C1QTNF7: variants seen among roughly 807,000 people sequenced by gnomAD.
C1QTNF7 encodes C1q and TNF related 7.
A neutral mutation model predicts 19.6 loss-of-function variants in C1QTNF7; 15 were observed. The observed-to-expected ratio is 0.76, with a 90% CI of 0.51 to 1.18. The LOEUF is 1.18. Ranked by LOEUF, C1QTNF7 falls within the 50% of genes most tolerant of loss-of-function variation. The probability of loss-of-function intolerance (pLI) is 0.00; values close to 1 mark genes in which losing one functional copy is unlikely to be tolerated. For synonymous variants in C1QTNF7, 142 were observed against 137.5 expected, an observed-to-expected ratio of 1.03 and a Z score of -0.23; for missense variants, 324 against 359.7, an observed-to-expected ratio of 0.90 and a Z score of 0.80.
chr4:15,429,541 T>G (rs539646157), intron 1 of C1QTNF7, among the ~76,000 whole-genome samples: 1 of 152,332 alleles, frequency 6.6e-6, no homozygotes, highest in African/African-American at 2.4e-5. Context: ...TCAGGGTTCC[T>G]CATGTTGTAG....
At chr4:15,426,279 A>G (rs1194081217), upstream of C1QTNF7, among the ~76,000 whole-genome samples, 1 of 152,148 alleles carries the variant, frequency 6.6e-6, no homozygotes, top group Non-Finnish European at 1.5e-5. Context: ...CCTTAAGCAT[A>G]TTTTTCTACC....
intron 2 of C1QTNF7, among the ~76,000 whole-genome samples, chr4:15,438,136 A>G (rs942494275): frequency 2.0e-5 from 3 of 152,220 alleles, no homozygotes; most frequent in African/African-American, 4.8e-5. Flanking sequence ...AGCAATAATT[A>G]TAATCAGCAA....
chr4:15,422,624 A>G (rs1322670327), intron 1 of C1QTNF7, among the ~76,000 whole-genome samples: 1 of 149,686 alleles, frequency 6.7e-6, no homozygotes, highest in Non-Finnish European at 1.5e-5. Context: ...TTTTTTTTTT[A>G]GAAAGGGTCT....
At chr4:15,381,418 T>C (rs1718138116) in intron 1 of C1QTNF7, among the ~76,000 whole-genome samples, 1 of 97,080 alleles carries the variant, frequency 1.0e-5, no homozygotes, top group Non-Finnish European at 1.9e-5. Flanking sequence ...TGAGACTCCA[T>C]CTCAAAAAAA....
intron 1 of C1QTNF7, among the ~76,000 whole-genome samples, chr4:15,382,414 A>G (rs1718181011): frequency 6.6e-6 from 1 of 152,224 alleles, no homozygotes; most frequent in Non-Finnish European, 1.5e-5. Context: ...GCAAAAAAAA[A>G]AAAATTCTAG....
chr4:15,412,310 A>G (rs1719430427), intron 1 of C1QTNF7, among the ~76,000 whole-genome samples: 1 of 151,892 alleles, frequency 6.6e-6, no homozygotes. Flanking sequence ...ATCATCCTAA[A>G]CCATCTCCCA....
At chr4:15,414,168 A>G (rs1376157766) in intron 1 of C1QTNF7, among the ~76,000 whole-genome samples, 1 of 152,172 alleles carries the variant, frequency 6.6e-6, no homozygotes, top group African/African-American at 2.4e-5. Context: ...AAACTTAATG[A>G]TTGGAAGCTA....
At position 15,444,019 on chromosome 4, in the gene C1QTNF7, G is replaced by C. The variant is rs990978108; in HGVS notation, c.*1220G>C. 2 of 152,162 alleles carry C rather than the reference G, an allele frequency of 1.3e-5. No individual in the cohort carries two copies. Among genetic ancestry groups the C allele is most frequent in the African/African-American group, 4.8e-5 (2 of 41,410 alleles). The allele number at this position is 152,162 out of a possible 1,614,324, so 9.4% of individuals were successfully genotyped here. A position where few individuals can be genotyped will look rare whatever the true frequency, so the allele number is the denominator to read the frequency against. On this transcript the variant is annotated 3_prime_UTR_variant, in exon 3 of 3. Coordinates refer to ENST00000444304, the MANE Select transcript of C1QTNF7 (RefSeq NM_031911.5). ...ACCTCCCTTAGTCCCACTCTTGCTT[G>C]TGTCAGCACCTTGTTCTTCACTGAA... is the stretch of plus-strand genomic sequence containing the variant.
intron 2 of C1QTNF7, among the ~76,000 whole-genome samples, chr4:15,437,433 A>G (rs1712582308): frequency 6.6e-6 from 1 of 152,212 alleles, no homozygotes; most frequent in Non-Finnish European, 1.5e-5. Context: ...AGTAAATGTT[A>G]TAACTTATTA....
rs558870508 is a variant in C1QTNF7 at position 15,442,243 on chromosome 4, C to G, written c.314C>G (p.Pro105Arg). 4 of 1,613,814 alleles carry G rather than the reference C, an allele frequency of 2.5e-6. No homozygotes were observed. Among genetic ancestry groups the G allele is most frequent in the Non-Finnish European group, 3.4e-6 (4 of 1,180,012 alleles). The stretch of plus-strand genomic sequence containing the variant: ...CAAGGAGAGACTGGGAAGAAAGGAC[C>G]CATAGGACCAGAGGGAGAGAAAGGA... The part of the protein sequence containing the change: ...GDQGETGKKG[P>R]IGPEGEKGEV... The change falls in exon 3 of 3, where the codon CCC becomes CGC. Residue 105 changes from proline (P) to arginine (R), a missense_variant. Pro to Arg is a moderately radical substitution (Grantham distance 103). Coordinates refer to ENST00000444304, the MANE Select transcript of C1QTNF7 (RefSeq NM_031911.5).
intron 1 of C1QTNF7, among the ~76,000 whole-genome samples, chr4:15,388,370 A>C (rs1718420270): frequency 6.6e-6 from 1 of 152,206 alleles, no homozygotes; most frequent in East Asian, 1.9e-4. Flanking sequence ...TCCAGCCAGA[A>C]TGGTGGATTA....
chr4:15,371,663 A>C (rs1717733193), intron 1 of C1QTNF7, among the ~76,000 whole-genome samples: 1 of 152,228 alleles, frequency 6.6e-6, no homozygotes, highest in Admixed American at 6.5e-5. Context: ...GTATAAGAGA[A>C]TATAGCGAGG....
chr4:15,354,069 G>C (rs1717032441), intron 1 of C1QTNF7, among the ~76,000 whole-genome samples: 1 of 152,098 alleles, frequency 6.6e-6, no homozygotes, highest in Admixed American at 6.5e-5. Context: ...TGGAAGGCTG[G>C]CTATGCGCAC....
At chr4:15,353,739 C>T (rs575185582) in intron 1 of C1QTNF7, among the ~76,000 whole-genome samples, 1 of 150,476 alleles carries the variant, frequency 6.6e-6, no homozygotes, top group Admixed American at 6.6e-5. Flanking sequence ...TTCCATTTCA[C>T]CCAGAAAGAA....
intron 1 of C1QTNF7, among the ~76,000 whole-genome samples, chr4:15,433,647 C>A (rs1712418716): frequency 6.6e-6 from 1 of 152,160 alleles, no homozygotes. Context: ...TTCTAAATTT[C>A]AACACACAAG....
chr4:15,340,010 C>A, exon 1 of C1QTNF7: 1 of 743,218 alleles, frequency 1.3e-6, no homozygotes. Context: ...GAGCTCCAAG[C>A]TTCAAACGCA....
intron 1 of C1QTNF7, among the ~76,000 whole-genome samples, chr4:15,407,051 A>G: frequency 6.6e-6 from 1 of 152,228 alleles, no homozygotes; most frequent in East Asian, 1.9e-4. Context: ...CAGTATGATT[A>G]AAACACTAGA....
chr4:15,393,516 A>T (rs1478124567), intron 1 of C1QTNF7, among the ~76,000 whole-genome samples: 1 of 152,034 alleles, frequency 6.6e-6, no homozygotes. Flanking sequence ...TAAAACGCAG[A>T]CTCTCGAGCC....
At chr4:15,397,297 C>T (rs1469900165) in intron 1 of C1QTNF7, among the ~76,000 whole-genome samples, 1 of 152,160 alleles carries the variant, frequency 6.6e-6, no homozygotes, top group African/African-American at 2.4e-5. Context: ...ATTGAGAGCC[C>T]TGGAGCAGGG....
Sources: allele counts gnomAD v4.1 joint callset (sites outside exome capture counted in the v4.1 genomes callset), GRCh38; gene constraint gnomAD v4.1.1; transcripts MANE v1.5; gene names NCBI Gene and HGNC (gene_info 2026-07-23, HGNC 2026-07-21).